NDUFAF5: variants seen among roughly 807,000 people sequenced by gnomAD.
NDUFAF5 encodes the protein arginine-hydroxylase NDUFAF5, mitochondrial.
NDUFAF5 carries 34 observed loss-of-function variants against 48.9 expected under a neutral mutation model. The ratio of observed to expected loss-of-function variants is 0.70; its 90% CI spans 0.53 to 0.93. The LOEUF (loss-of-function observed/expected upper bound fraction) is 0.93. Ranked by LOEUF, NDUFAF5 falls within the 40% of genes least tolerant of loss-of-function variation. NDUFAF5 has a pLI of 0.00. For synonymous variants in NDUFAF5, 153 were observed against 150.6 expected (o/e 1.02, Z -0.12); for missense variants, 428 against 427.5 (o/e 1.00, Z -0.01).
In NDUFAF5 at chr20:13,819,084, T is replaced by C. The variant is rs1431549836; in HGVS notation, c.*1874T>C. The C allele has an allele frequency of 6.6e-6, 1 of 152,248 alleles. No homozygotes were observed. Among genetic ancestry groups the C allele is most frequent in the East Asian group, 1.9e-4 (1 of 5,196 alleles). The allele number at this position is 152,248 out of a possible 1,614,324, so 9.4% of individuals were successfully genotyped here. A position where few individuals can be genotyped will look rare whatever the true frequency, so the allele number is the denominator to read the frequency against. On this transcript the variant is annotated 3_prime_UTR_variant, in exon 11 of 11. Coordinates refer to ENST00000378106, the MANE Select transcript of NDUFAF5 (RefSeq NM_024120.5). ...CAGCTAATTGAGGACCCTTATTGTTTAATGTGAGTGATTGTAGTGAAAACA... is the reference window on the plus strand; with the variant it reads ...CAGCTAATTGAGGACCCTTATTGTTCAATGTGAGTGATTGTAGTGAAAACA...
In NDUFAF5 at chr20:13,785,167, C is replaced by A; in HGVS notation, c.99C>A (p.Val33=). The A allele has an allele frequency of 6.2e-7, 1 of 1,613,968 alleles. No homozygotes were observed. Among genetic ancestry groups the A allele is most frequent in the Admixed American group, 1.7e-5 (1 of 60,020 alleles). ...GCCGTAGGGAAGTCACCTCTGGTGT[C>A]TCTCCCCGCGGTAGCACCTCGCCCA... The part of the protein sequence containing the change: ...NLGRREVTSG[V]SPRGSTSPRT... Residue 33 remains valine (V), a synonymous_variant, in exon 1 of 11, where the codon GTC becomes GTA. Coordinates refer to ENST00000378106, the MANE Select transcript of NDUFAF5 (RefSeq NM_024120.5).
intron 8 of NDUFAF5, chr20:13,814,620 T>C (rs560549454): frequency 7.4e-6 from 4 of 538,576 alleles, no homozygotes; most frequent in Non-Finnish European, 1.3e-5. Context: ...TTAAAAACAC[T>C]GTGAGAGTCT....
chr20:13,793,279 ATATTT>A (rs749135429), intron 4 of NDUFAF5, 52 bp downstream of exon 4: 1 of 1,402,454 alleles, frequency 7.1e-7, no homozygotes, highest in South Asian at 1.2e-5. Flanking sequence ...GTGTTTTCTC[ATATTT>A]TATTTCTTTA....
At chr20:13,802,078 C>G (rs946695386) in intron 7 of NDUFAF5, among the ~76,000 whole-genome samples, 1 of 151,952 alleles carries the variant, frequency 6.6e-6, no homozygotes, top group Non-Finnish European at 1.5e-5. Context: ...AATAACTACC[C>G]CCAAACAGTG....
At chr20:13,814,082 G>T in intron 8 of NDUFAF5, 1 of 219,280 alleles carries the variant, frequency 4.6e-6, no homozygotes, top group African/African-American at 2.3e-5. Context: ...TTTTTAATGT[G>T]TGAGGAAACC....
chr20:13,796,382 T>G (rs916839093), intron 5 of NDUFAF5, among the ~76,000 whole-genome samples: 5 of 152,238 alleles, frequency 3.3e-5, no homozygotes, highest in Non-Finnish European at 7.3e-5. Flanking sequence ...GTTTTTATGT[T>G]AGCTCATCTG....
At chr20:13,801,740 T>C (rs1984178443) in intron 7 of NDUFAF5, 57 bp downstream of exon 7, 1 of 1,449,292 alleles carries the variant, frequency 6.9e-7, no homozygotes, top group Admixed American at 1.7e-5. Context: ...GAACTTCTTA[T>C]CATTTTAAAG....
At chr20:13,794,811 T>C (rs762842872) in intron 4 of NDUFAF5, 27 bp from the exon 5 acceptor site, 1 of 1,307,288 alleles carries the variant, frequency 7.6e-7, no homozygotes, top group Non-Finnish European at 1.1e-6. Context: ...TAAATGTGAT[T>C]TTGATCTTTC....
At chr20:13,801,217 T>C (rs1440068446) in intron 6 of NDUFAF5, among the ~76,000 whole-genome samples, 1 of 152,174 alleles carries the variant, frequency 6.6e-6, no homozygotes, top group Non-Finnish European at 1.5e-5. Context: ...AAAACTAAGT[T>C]GTATACCTAT....
At chr20:13,801,797 C>T in intron 7 of NDUFAF5, 114 bp downstream of exon 7, 1 of 774,492 alleles carries the variant, frequency 1.3e-6, no homozygotes, top group South Asian at 1.7e-5. Flanking sequence ...CTTTCTCTCC[C>T]TTTTTTTTTC....
intron 8 of NDUFAF5, among the ~76,000 whole-genome samples, chr20:13,810,526 A>T (rs1009259495): frequency 1.3e-5 from 2 of 152,136 alleles, no homozygotes; most frequent in African/African-American, 4.8e-5. Flanking sequence ...TGTTCTTTCA[A>T]GAAGTCTGGT....
At chr20:13,788,887 T>C (rs1283637017) in intron 3 of NDUFAF5, among the ~76,000 whole-genome samples, 1 of 152,106 alleles carries the variant, frequency 6.6e-6, no homozygotes, top group East Asian at 1.9e-4. Flanking sequence ...TACCGATAAT[T>C]TATTTGAATC....
chr20:13,794,896 T>G lies in NDUFAF5; in HGVS notation c.434T>G (p.Leu145Arg). The G allele has an allele frequency of 6.2e-7, 1 of 1,613,814 alleles. No individual in the cohort carries two copies. The highest frequency in any genetic ancestry group is 8.5e-7 in the Non-Finnish European group (1 of 1,179,684). The change falls in exon 5 of 11, where the codon CTT becomes CGT. Residue 145 changes from leucine (L) to arginine (R), a missense_variant. Transcript: ENST00000378106. ...TVSVLADEEF[L>R]PFKENTFDLV... ...AGCGTTTTAGCTGATGAAGAATTCCTTCCCTTCAAAGAAAATACATTTGAC... is the reference window on the plus strand; with the variant it reads ...AGCGTTTTAGCTGATGAAGAATTCCGTCCCTTCAAAGAAAATACATTTGAC...
Position 13,785,275 on chromosome 20 carries a change from C to G in NDUFAF5, c.207C>G (p.Asp69Glu). 6.3e-7 allele frequency: 1 copy of G among 1,595,246 alleles called. No homozygotes were observed. Among genetic ancestry groups the G allele is most frequent in the South Asian group, 1.1e-5 (1 of 90,328 alleles). Residue 69 changes from aspartate to glutamate, a missense_variant, in exon 1 of 11, where the codon GAC (aspartate) becomes GAG (glutamate). Transcript: ENST00000378106. ...AARQPEPTKF[D>E]YLKEEVGSRI... ...GGCAGCCCGAGCCGACCAAATTTGA[C>G]TACCTGAAGGAGGAGGTGAGCCCGC...
intron 3 of NDUFAF5, 88 bp downstream of exon 3, chr20:13,788,740 C>T (rs376024417): frequency 1.2e-6 from 1 of 823,258 alleles, no homozygotes; most frequent in African/African-American, 1.7e-5. Context: ...TAGCTTGCAA[C>T]ATATTTAGAT....
At position 13,809,024 on chromosome 20, in the gene NDUFAF5, GC is replaced by G. The variant is rs1446873396; in HGVS notation, c.778+123del. On this transcript the variant is annotated intron_variant, in intron 8 of 10. Coordinates refer to ENST00000378106, the MANE Select transcript of NDUFAF5 (RefSeq NM_024120.5). ...AGCTCTTTGGCAGGCACTGGGCAAAGCACTAGGGATCCATTGTTGAGGAGAA... is the reference window on the plus strand; with the variant it reads ...AGCTCTTTGGCAGGCACTGGGCAAAGACTAGGGATCCATTGTTGAGGAGAA... 1.8e-5 allele frequency: 13 copies of G among 705,826 alleles called. No individual in the cohort carries two copies. The African/African-American group carries it at 2.1e-4, about 12-fold the overall frequency. 43.7% of individuals were successfully genotyped at this position (705,826 alleles called of 1,614,324 possible).
At position 13,785,134 on chromosome 20, in the gene NDUFAF5, G is replaced by A; in HGVS notation, c.66G>A (p.Glu22=). Residue 22 remains glutamate, a synonymous_variant, in exon 1 of 11, where the codon GAG becomes GAA. Coordinates refer to ENST00000378106, the MANE Select transcript of NDUFAF5 (RefSeq NM_024120.5). ...CTTGGGCGGCGAGGGTCCCAGCGGA[G>A]AATCTTGGCCGTAGGGAAGTCACCT... is the stretch of plus-strand genomic sequence containing the variant. ...RRPWAARVPA[E]NLGRREVTSG... 1 of 1,613,998 alleles carries A rather than the reference G, an allele frequency of 6.2e-7. No individual in the cohort carries two copies.
rs144381878 is a variant in NDUFAF5, at chr20:13,788,867, A to G, written c.327+215A>G. On this transcript the variant is annotated intron_variant, in intron 3 of 10. Coordinates refer to ENST00000378106, the MANE Select transcript of NDUFAF5 (RefSeq NM_024120.5). ...GGGTTTTTCTCTGAATCCATTATAT[A>G]TTATGTTTCTACCGATAATTTATTT... 4.4e-3 allele frequency among the ~76,000 whole-genome samples: 668 copies of G among 151,844 alleles called. 3 individuals are homozygous for G. The highest frequency in any genetic ancestry group is 0.015 in the African/African-American group (630 of 41,430).
At chr20:13,812,378 T>TA (rs1985984389) in intron 8 of NDUFAF5, among the ~76,000 whole-genome samples, 1 of 152,194 alleles carries the variant, frequency 6.6e-6, no homozygotes, top group Non-Finnish European at 1.5e-5. Context: ...CCCAAGGACT[T>TA]ACCTGATGTA....
Sources: gnomAD v4.1 joint callset for allele counts (sites outside exome capture counted in the v4.1 genomes callset) on GRCh38, gnomAD v4.1.1 for gene constraint, MANE v1.5 for transcripts, NCBI Gene and HGNC (gene_info 2026-07-23, HGNC 2026-07-21) for gene names.